RAB3B: variants seen among roughly 807,000 people sequenced by gnomAD.
The protein encoded by RAB3B is RAB3B, member RAS oncogene family, also known as ras-related protein Rab-3B.
RAB3B carries 11 observed loss-of-function variants against 20.5 expected under a neutral mutation model. The observed-to-expected ratio is 0.54, with a 90% CI of 0.34 to 0.89. RAB3B has a LOEUF of 0.89. Among genes scored for constraint, RAB3B ranks in the 40% least tolerant of loss-of-function variants. The pLI, the probability that RAB3B is intolerant of heterozygous loss-of-function variation, is 0.02. For synonymous variants in RAB3B, 99 were observed against 106.3 expected (o/e 0.93, Z 0.42); for missense variants, 225 against 280.9 (o/e 0.80, Z 1.42).
intron 1 of RAB3B, among the ~76,000 whole-genome samples, chr1:51,986,716 C>G (rs577879312): frequency 6.6e-6 from 1 of 152,356 alleles, no homozygotes; most frequent in East Asian, 1.9e-4. Context: ...TATGCACACA[C>G]AGCATGGCTT....
At chr1:51,921,000 T>A (rs75736440) in intron 4 of RAB3B, among the ~76,000 whole-genome samples, 1 of 152,326 alleles carries the variant, frequency 6.6e-6, no homozygotes, top group Non-Finnish European at 1.5e-5. Flanking sequence ...GTCTATTTTG[T>A]ATCTTGAGAC....
intron 2 of RAB3B, among the ~76,000 whole-genome samples, chr1:51,965,660 A>C (rs1684841678): frequency 6.6e-6 from 1 of 150,978 alleles, no homozygotes; most frequent in East Asian, 1.9e-4. Flanking sequence ...AAAAAAAAAA[A>C]GGTGAATTTT....
At chr1:51,959,177 T>C (rs533055873) in intron 2 of RAB3B, among the ~76,000 whole-genome samples, 1 of 152,162 alleles carries the variant, frequency 6.6e-6, no homozygotes, top group African/African-American at 2.4e-5. Context: ...CCAGAAGAGA[T>C]GATACTTGAA....
intron 1 of RAB3B, among the ~76,000 whole-genome samples, chr1:51,985,326 C>T (rs752617594): frequency 2.8e-4 from 43 of 152,172 alleles, no homozygotes; most frequent in Admixed American, 1.3e-4. Flanking sequence ...TTTATCCATC[C>T]TTACATCTGG....
At chr1:51,969,097 C>A (rs1206476579) in intron 2 of RAB3B, among the ~76,000 whole-genome samples, 1 of 152,184 alleles carries the variant, frequency 6.6e-6, no homozygotes, top group Non-Finnish European at 1.5e-5. Context: ...GAGTTTGAGA[C>A]CAGCCTGGGG....
chr1:51,985,462 T>C (rs1685139936), intron 1 of RAB3B, among the ~76,000 whole-genome samples: 1 of 152,190 alleles, frequency 6.6e-6, no homozygotes, highest in African/African-American at 2.4e-5. Context: ...TTTTCTGATG[T>C]AGCCCAGCTT....
At chr1:51,978,178 A>C (rs1250683728) in intron 1 of RAB3B, among the ~76,000 whole-genome samples, 1 of 152,198 alleles carries the variant, frequency 6.6e-6, no homozygotes, top group African/African-American at 2.4e-5. Context: ...TCTGGGCCTT[A>C]ATGGACTTCA....
At chr1:51,980,825 C>A (rs1685077830) in intron 1 of RAB3B, 2 of 739,594 alleles carry the variant, frequency 2.7e-6, no homozygotes, top group Non-Finnish European at 2.5e-6. Flanking sequence ...ATGTAAGGAG[C>A]TGAGTCCTTA....
At chr1:51,938,785 C>T (rs982034036) in intron 2 of RAB3B, among the ~76,000 whole-genome samples, 5 of 151,554 alleles carry the variant, frequency 3.3e-5, no homozygotes, top group African/African-American at 1.2e-4. Context: ...AAGTGATCCT[C>T]CCACCTCAGC....
intron 2 of RAB3B, among the ~76,000 whole-genome samples, chr1:51,939,714 A>G (rs1684463750): frequency 6.6e-6 from 1 of 152,204 alleles, no homozygotes; most frequent in Non-Finnish European, 1.5e-5. Context: ...AACTGGGACC[A>G]CAGGCATGTG....
chr1:51,941,227 C>T (rs1234447827), intron 2 of RAB3B, among the ~76,000 whole-genome samples: 1 of 152,124 alleles, frequency 6.6e-6, no homozygotes, highest in East Asian at 1.9e-4. Flanking sequence ...TGAAGAACTT[C>T]AGGAACGGTA....
intron 1 of RAB3B, among the ~76,000 whole-genome samples, chr1:51,982,694 A>G (rs1297529634): frequency 6.6e-6 from 1 of 152,092 alleles, no homozygotes; most frequent in Non-Finnish European, 1.5e-5. Flanking sequence ...TGGAGGTTGC[A>G]GTGAGCAGAG....
At chr1:51,959,461 A>G (rs1017922086) in intron 2 of RAB3B, among the ~76,000 whole-genome samples, 4 of 152,150 alleles carry the variant, frequency 2.6e-5, no homozygotes, top group African/African-American at 9.7e-5. Context: ...GCAGTGAGCC[A>G]TGTTCACACC....
intron 2 of RAB3B, among the ~76,000 whole-genome samples, chr1:51,947,541 G>A (rs145753179): frequency 1.3e-5 from 2 of 152,228 alleles, no homozygotes; most frequent in African/African-American, 2.4e-5. Context: ...CTCTAACCAT[G>A]TCTAAGGCTT....
chr1:51,982,525 G>C (rs1685100917), intron 1 of RAB3B, among the ~76,000 whole-genome samples: 1 of 152,158 alleles, frequency 6.6e-6, no homozygotes, highest in African/African-American at 2.4e-5. Flanking sequence ...GGCCGAGGCA[G>C]GCAGATCACT....
Position 51,920,053 on chromosome 1 carries a change from G to A in RAB3B, c.534C>T (p.Arg178=), listed in dbSNP as rs1557961011. The change falls in exon 5 of 5, where the codon CGC becomes CGT. Residue 178 remains arginine, a synonymous_variant. Transcript: ENST00000371655. ...ENISVRQAFE[R]LVDAICDKMS... ...TCTTGTCACAAATGGCATCCACCAG[G>A]CGCTCAAAGGCCTGCCTTACACTGA... The A allele has an allele frequency of 6.2e-7, 1 of 1,614,182 alleles. No homozygotes were observed. Among genetic ancestry groups the A allele is most frequent in the Middle Eastern group, 1.6e-4 (1 of 6,062 alleles).
At chr1:51,945,100 G>A (rs1310273815) in intron 2 of RAB3B, among the ~76,000 whole-genome samples, 1 of 152,196 alleles carries the variant, frequency 6.6e-6, no homozygotes, top group Non-Finnish European at 1.5e-5. Context: ...ATCAAGGCAA[G>A]ACCCTCCACT....
chr1:51,915,691 GTTT>G lies in RAB3B; in HGVS notation c.*4233_*4235del, dbSNP rs35639124. On this transcript the variant is annotated 3_prime_UTR_variant, in exon 5 of 5. Transcript: ENST00000371655. ...TCAAGAGGTGTTTTTTGTTGTTGTTGTTTGTTTGCTTGTTTTGTTTTGAGATGG... is the reference window on the plus strand; with the variant it reads ...TCAAGAGGTGTTTTTTGTTGTTGTTGGTTTGCTTGTTTTGTTTTGAGATGG... 80,529 of 150,196 alleles carry G rather than the reference GTTT, an allele frequency of 0.54. 22,469 individuals are homozygous for G. Among genetic ancestry groups the G allele is most frequent in the East Asian group, 0.86 (4,403 of 5,128 alleles). 9.3% of individuals were successfully genotyped at this position (150,196 alleles called of 1,614,324 possible). A position where few individuals can be genotyped will look rare whatever the true frequency, so the allele number is the denominator to read the frequency against.
At chr1:51,934,626 A>G (rs1325757199) in intron 3 of RAB3B, among the ~76,000 whole-genome samples, 1 of 151,736 alleles carries the variant, frequency 6.6e-6, no homozygotes, top group East Asian at 1.9e-4. Flanking sequence ...AAAAAAAAAA[A>G]TTAGCTGGGC....
Sources: allele counts gnomAD v4.1 joint callset (sites outside exome capture counted in the v4.1 genomes callset), GRCh38; gene constraint gnomAD v4.1.1; transcripts MANE v1.5; gene names NCBI Gene and HGNC (gene_info 2026-07-23, HGNC 2026-07-21).